SHC3: variants seen among roughly 807,000 people sequenced by gnomAD.
The protein encoded by SHC3 is SHC-transforming protein 3.
A neutral mutation model predicts 60.4 loss-of-function variants in SHC3; 15 were observed. The ratio of observed to expected loss-of-function variants is 0.25; its 90% CI spans 0.17 to 0.38. The LOEUF (loss-of-function observed/expected upper bound fraction) is 0.38, where lower values mean the gene tolerates loss of function less well. Among genes scored for constraint, SHC3 ranks in the 10% least tolerant of loss-of-function variants. The probability of loss-of-function intolerance (pLI) is 1.00; values close to 1 mark genes in which losing one functional copy is unlikely to be tolerated. For missense variants in SHC3, 677 were observed against 786.1 expected, an observed-to-expected ratio of 0.86 and a Z score of 1.66; for synonymous variants, 294 against 325.9, an observed-to-expected ratio of 0.90 and a Z score of 1.05.
At chr9:89,046,090 C>T (rs532206475) in intron 8 of SHC3, among the ~76,000 whole-genome samples, 25 of 137,614 alleles carry the variant, frequency 1.8e-4, no homozygotes, top group African/African-American at 6.1e-4. Flanking sequence ...CCACCCCTCC[C>T]GAAGTGTGAC....
intron 1 of SHC3, among the ~76,000 whole-genome samples, chr9:89,148,644 T>C (rs1826504171): frequency 6.6e-6 from 1 of 152,222 alleles, no homozygotes; most frequent in African/African-American, 2.4e-5. Flanking sequence ...GATGAATGGA[T>C]ATTCTATAAG....
chr9:89,081,126 A>C (rs1825438491), intron 2 of SHC3, among the ~76,000 whole-genome samples: 1 of 152,218 alleles, frequency 6.6e-6, no homozygotes, highest in Non-Finnish European at 1.5e-5. Flanking sequence ...AGAAGCCATA[A>C]AAGAAAAATA....
At chr9:89,172,526 C>G (rs1046597287) in intron 1 of SHC3, among the ~76,000 whole-genome samples, 2 of 151,764 alleles carry the variant, frequency 1.3e-5, no homozygotes, top group South Asian at 4.2e-4. Context: ...CACACAGACA[C>G]AGACACACAC....
chr9:89,059,037 G>C (rs560536980), intron 6 of SHC3, among the ~76,000 whole-genome samples: 9 of 150,466 alleles, frequency 6.0e-5, no homozygotes, highest in Admixed American at 2.0e-4. Context: ...AGAACGTGGT[G>C]GAGGATGTGG....
At chr9:89,114,664 A>G (rs1250463707) in intron 1 of SHC3, among the ~76,000 whole-genome samples, 1 of 152,138 alleles carries the variant, frequency 6.6e-6, no homozygotes, top group African/African-American at 2.4e-5. Context: ...CTAGGTGATG[A>G]GTATATTTAT....
In SHC3 at chr9:89,110,488, T is replaced by C. The variant is rs550738373; in HGVS notation, c.545+2068A>G. On this transcript the variant is annotated intron_variant, in intron 2 of 11. Coordinates refer to ENST00000375835, the MANE Select transcript of SHC3 (RefSeq NM_016848.6). Reference sequence around the variant, plus strand: ...AGGTATGTTGAACACTTAGTTACCATGGAGACCTTAAAAGCTCCACAGTGT... The same window carrying C: ...AGGTATGTTGAACACTTAGTTACCACGGAGACCTTAAAAGCTCCACAGTGT... 9 of 982,766 alleles carry C rather than the reference T, an allele frequency of 9.2e-6. No homozygotes were observed. In the South Asian group the frequency reaches 2.4e-4, roughly 26 times the overall value. 60.9% of individuals were successfully genotyped at this position (982,766 alleles called of 1,614,324 possible).
At chr9:89,164,302 T>C (rs1359704673) in intron 1 of SHC3, among the ~76,000 whole-genome samples, 1 of 152,114 alleles carries the variant, frequency 6.6e-6, no homozygotes, top group African/African-American at 2.4e-5. Flanking sequence ...GCACCAGCTG[T>C]CTGAAAGGGA....
intron 6 of SHC3, 70 bp downstream of exon 6, chr9:89,065,459 A>C: frequency 6.6e-7 from 1 of 1,506,276 alleles, no homozygotes. Context: ...GATAACGAGG[A>C]CCAGCTTGTA....
intron 9 of SHC3, among the ~76,000 whole-genome samples, chr9:89,043,198 G>T (rs879631855): frequency 6.6e-6 from 1 of 152,192 alleles, no homozygotes; most frequent in African/African-American, 2.4e-5. Flanking sequence ...CCTGTGGCTG[G>T]ACATTTGCCA....
chr9:89,060,206 G>GGTGGTGGAGGAT, intron 6 of SHC3, among the ~76,000 whole-genome samples: 1 of 149,126 alleles, frequency 6.7e-6, no homozygotes, highest in Non-Finnish European at 1.5e-5. Flanking sequence ...GGTGGAGGGT[G>GGTGGTGGAGGAT]GTGGTGGAGG....
Position 89,006,662 on chromosome 9 carries a change from A to C in SHC3, c.*6785T>G, listed in dbSNP as rs1332060810. 1.3e-5 allele frequency: 2 copies of C among 152,246 alleles called. No homozygotes were observed. Among genetic ancestry groups the C allele is most frequent in the Non-Finnish European group, 2.9e-5 (2 of 68,048 alleles). 9.4% of individuals were successfully genotyped at this position (152,246 alleles called of 1,614,324 possible). A position where few individuals can be genotyped will look rare whatever the true frequency, so the allele number is the denominator to read the frequency against. ...ATTATTACACATTAAATTTACATGG[A>C]GTTGTCTCCTAATCCTGGGATTTTA... is the stretch of plus-strand genomic sequence containing the variant. On this transcript the variant is annotated 3_prime_UTR_variant, in exon 12 of 12. Coordinates refer to ENST00000375835, the MANE Select transcript of SHC3 (RefSeq NM_016848.6).
In SHC3 at chr9:89,075,231, G is replaced by T; in HGVS notation, c.610-3C>A. 1 of 1,613,272 alleles carries T rather than the reference G, an allele frequency of 6.2e-7. No individual in the cohort carries two copies. Among genetic ancestry groups the T allele is most frequent in the Non-Finnish European group, 8.5e-7 (1 of 1,179,570 alleles). On this transcript the variant is annotated splice_region_variant and splice_polypyrimidine_tract_variant and intron_variant, in intron 3 of 11. Transcript: ENST00000375835. ...CTGGACAGCATTTTGCTTGGAGGCT[G>T]TGAAATTAAAGAGCATTATTTTAGC...
intron 1 of SHC3, among the ~76,000 whole-genome samples, chr9:89,174,003 A>G (rs1826907288): frequency 2.0e-5 from 3 of 152,212 alleles, no homozygotes. Flanking sequence ...GAGGTAAAAT[A>G]AAATTCTACA....
intron 11 of SHC3, among the ~76,000 whole-genome samples, chr9:89,022,227 G>C (rs10122011): frequency 0.49 from 73,733 of 151,522 alleles, 18,446 homozygotes; most frequent in African/African-American, 0.57. Context: ...TGGCGGTCCT[G>C]TCGGGGCTCC....
rs1825980516 is a variant in SHC3, at chr9:89,008,971, C to T, written c.*4476G>A. ...CCCCAACTAAGAGGAAGTAGAAACACTGTCTCTCCCATCTGAATGACTCAG... is the reference window on the plus strand; with the variant it reads ...CCCCAACTAAGAGGAAGTAGAAACATTGTCTCTCCCATCTGAATGACTCAG... On this transcript the variant is annotated 3_prime_UTR_variant, in exon 12 of 12. Coordinates refer to ENST00000375835, the MANE Select transcript of SHC3 (RefSeq NM_016848.6). The T allele has an allele frequency of 6.6e-6, 1 of 152,284 alleles. No homozygotes were observed. Among genetic ancestry groups the T allele is most frequent in the Non-Finnish European group, 1.5e-5 (1 of 68,070 alleles). 9.4% of individuals were successfully genotyped at this position (152,284 alleles called of 1,614,324 possible). A position where few individuals can be genotyped will look rare whatever the true frequency, so the allele number is the denominator to read the frequency against.
chr9:89,122,465 C>T lies in SHC3; in HGVS notation c.475-9839G>A, dbSNP rs570067804. ...ATTGGGCTGAATGGAAAAAAACAAC[C>T]TTTGTTGGTAATACCTTGAAATTCA... On this transcript the variant is annotated intron_variant, in intron 1 of 11. Transcript: ENST00000375835. Among the ~76,000 whole-genome samples, 201 of 152,304 alleles carry T rather than the reference C, an allele frequency of 1.3e-3. 2 individuals carry two copies. In the Middle Eastern group the frequency reaches 0.014, roughly 10 times the overall value.
chr9:89,110,810 A>C (rs955911428), intron 2 of SHC3, among the ~76,000 whole-genome samples: 3 of 152,200 alleles, frequency 2.0e-5, no homozygotes, highest in Non-Finnish European at 4.4e-5. Flanking sequence ...TCACCTTCCC[A>C]AAAATCTAAA....
intron 2 of SHC3, 100 bp downstream of exon 2, chr9:89,112,456 C>T: frequency 1.5e-6 from 2 of 1,322,588 alleles, no homozygotes; most frequent in East Asian, 4.7e-5. Flanking sequence ...ACTAACCCTC[C>T]AAGGGCCGGT....
At chr9:89,131,405 T>C (rs1263658715) in intron 1 of SHC3, among the ~76,000 whole-genome samples, 1 of 152,180 alleles carries the variant, frequency 6.6e-6, no homozygotes, top group Admixed American at 6.5e-5. Flanking sequence ...CTAACTCATT[T>C]TATGAGGCCA....
Sources: allele counts gnomAD v4.1 joint callset (sites outside exome capture counted in the v4.1 genomes callset), GRCh38; gene constraint gnomAD v4.1.1; transcripts MANE v1.5; gene names NCBI Gene and HGNC (gene_info 2026-07-23, HGNC 2026-07-21).